BCL2L15: variants seen among roughly 807,000 people sequenced by gnomAD.
The protein encoded by BCL2L15 is BCL2 like 15, also known as bcl-2-like protein 15.
Under a neutral mutation model 18.3 loss-of-function variants are expected in BCL2L15, and 15 were observed. The ratio of observed to expected loss-of-function variants is 0.82; its 90% CI spans 0.55 to 1.26. The LOEUF (loss-of-function observed/expected upper bound fraction) is 1.26, where lower values mean the gene tolerates loss of function less well. BCL2L15 is among the 50% of genes most tolerant of loss of function. The probability of loss-of-function intolerance (pLI) is 0.00; values close to 1 mark genes in which losing one functional copy is unlikely to be tolerated. For missense variants in BCL2L15, 180 were observed against 201.7 expected (o/e 0.89, Z 0.65); for synonymous variants, 58 against 68.5 (o/e 0.85, Z 0.76).
rs1402778194 is a variant in BCL2L15 at position 113,881,029 on chromosome 1, T to G, written c.*94A>C. ...TTCAGTTCTGATAAAATGAAAAAAG[T>G]GCTTTTTTATTTGTTTGTTTGAATT... On this transcript the variant is annotated 3_prime_UTR_variant, in exon 4 of 4. Coordinates refer to ENST00000393316, the MANE Select transcript of BCL2L15 (RefSeq NM_001010922.3). 1.3e-6 allele frequency: 2 copies of G among 1,560,924 alleles called. No homozygotes were observed. The highest frequency in any genetic ancestry group is 1.7e-5 in the Admixed American group (1 of 59,226).
rs1368139470 is a variant in BCL2L15 at position 113,878,514 on chromosome 1, C to T, written c.*2609G>A. ...TCAAATCTCAAGATAATGCAGTATA[C>T]TTGGAACTGTTTTATGAGCAACATA... On this transcript the variant is annotated 3_prime_UTR_variant, in exon 4 of 4. Coordinates refer to ENST00000393316, the MANE Select transcript of BCL2L15 (RefSeq NM_001010922.3). 6.6e-6 allele frequency: 1 copy of T among 152,362 alleles called. No individual in the cohort carries two copies. Among genetic ancestry groups the T allele is most frequent in the Non-Finnish European group, 1.5e-5 (1 of 68,044 alleles). 9.4% of individuals were successfully genotyped at this position (152,362 alleles called of 1,614,324 possible).
At chr1:113,884,220 G>A (rs1666964936) in intron 2 of BCL2L15, among the ~76,000 whole-genome samples, 1 of 152,152 alleles carries the variant, frequency 6.6e-6, no homozygotes, top group African/African-American at 2.4e-5. Context: ...GAAATCTTGT[G>A]CCAATTGATG....
At position 113,881,150 on chromosome 1, in the gene BCL2L15, A is replaced by G. The variant is rs780102474; in HGVS notation, c.475-10T>C. 5.6e-6 allele frequency: 9 copies of G among 1,614,046 alleles called. No homozygotes were observed. The highest frequency in any genetic ancestry group is 1.7e-5 in the Admixed American group (1 of 60,004). ...AGCTCTCCAGATTTTCCTAGGGAAG[A>G]CAGAGAAAATCCTACAGTCAAAGGA... is the stretch of plus-strand genomic sequence containing the variant. On this transcript the variant is annotated splice_polypyrimidine_tract_variant and intron_variant, in intron 3 of 3. Coordinates refer to ENST00000393316, the MANE Select transcript of BCL2L15 (RefSeq NM_001010922.3).
At chr1:113,881,351 C>T (rs986011582) in intron 3 of BCL2L15, 13 of 1,006,580 alleles carry the variant, frequency 1.3e-5, no homozygotes, top group Non-Finnish European at 1.8e-5. Flanking sequence ...GTTACCACTA[C>T]AGCAAAGACT....
At chr1:113,881,335 T>C (rs1340603933) in intron 3 of BCL2L15, 195 bp from the exon 4 acceptor site, 14 of 1,028,116 alleles carry the variant, frequency 1.4e-5, no homozygotes, top group Middle Eastern at 2.5e-4. Flanking sequence ...TAGAATACCT[T>C]ATATAGTTAC....
intron 2 of BCL2L15, among the ~76,000 whole-genome samples, chr1:113,883,915 C>T (rs1415178429): frequency 2.6e-5 from 4 of 152,174 alleles, no homozygotes; most frequent in Non-Finnish European, 5.9e-5. Flanking sequence ...GAGATGCAGT[C>T]TAGAGTGAAA....
intron 2 of BCL2L15, among the ~76,000 whole-genome samples, chr1:113,884,360 A>C (rs1399004301): frequency 6.6e-6 from 1 of 152,252 alleles, no homozygotes. Flanking sequence ...CATAGTCTTC[A>C]AGTGTCAAGG....
intron 1 of BCL2L15, 94 bp downstream of exon 1, chr1:113,887,155 C>T: frequency 7.9e-7 from 1 of 1,272,066 alleles, no homozygotes. Flanking sequence ...ACCTTGGCCT[C>T]CCAAAGTGCT....
Position 113,879,940 on chromosome 1 carries a change from A to T in BCL2L15, c.*1183T>A, listed in dbSNP as rs1294957027. The T allele has an allele frequency of 6.6e-6, 1 of 152,188 alleles. No homozygotes were observed. Among genetic ancestry groups the T allele is most frequent in the East Asian group, 1.9e-4 (1 of 5,200 alleles). The allele number at this position is 152,188 out of a possible 1,614,324, so 9.4% of individuals were successfully genotyped here. ...GATGGCTGTCACACTCTATATGTAC[A>T]TCAGAATCACCTATGGAACTAGTTT... On this transcript the variant is annotated 3_prime_UTR_variant, in exon 4 of 4. Transcript: ENST00000393316.
rs1359336636 is a variant in BCL2L15, at chr1:113,878,010, C to T, written c.*3113G>A. ...ATAAATCATATTTAGGAATCACTCACATTGATGTGAAAGTAAAGCCATTAA... is the reference window on the plus strand; with the variant it reads ...ATAAATCATATTTAGGAATCACTCATATTGATGTGAAAGTAAAGCCATTAA... On this transcript the variant is annotated 3_prime_UTR_variant, in exon 4 of 4. Coordinates refer to ENST00000393316, the MANE Select transcript of BCL2L15 (RefSeq NM_001010922.3). 6.6e-6 allele frequency among the ~76,000 whole-genome samples: 1 copy of T among 152,156 alleles called. No homozygotes were observed. Among genetic ancestry groups the T allele is most frequent in the Non-Finnish European group, 1.5e-5 (1 of 68,030 alleles).
Position 113,879,077 on chromosome 1 carries a change from CT to C in BCL2L15, c.*2045del, listed in dbSNP as rs974877478. 4.5e-4 allele frequency: 68 copies of C among 152,306 alleles called. No individual in the cohort carries two copies. Among genetic ancestry groups the C allele is most frequent in the African/African-American group, 1.5e-3 (61 of 41,552 alleles). 9.4% of individuals were successfully genotyped at this position (152,306 alleles called of 1,614,324 possible). On this transcript the variant is annotated 3_prime_UTR_variant, in exon 4 of 4. Coordinates refer to ENST00000393316, the MANE Select transcript of BCL2L15 (RefSeq NM_001010922.3). ...TGTTGGCCAGGCTGGTCTCAAACTCCTAACCTCAGGTGATCCACCCGCCTTG... is the reference window on the plus strand; with the variant it reads ...TGTTGGCCAGGCTGGTCTCAAACTCCAACCTCAGGTGATCCACCCGCCTTG...
chr1:113,886,314 A>C (rs1282875249), intron 2 of BCL2L15, among the ~76,000 whole-genome samples: 1 of 152,108 alleles, frequency 6.6e-6, no homozygotes, highest in Non-Finnish European at 1.5e-5. Context: ...ATGAAGACCA[A>C]GTAGAGACAA....
In BCL2L15 at chr1:113,880,535, A is replaced by G. The variant is rs996791434; in HGVS notation, c.*588T>C. ...CAGCTACTCAGGAGGCTGAGGCAGG[A>G]GAATGGAGTGAAACCGGGAGGTGGA... On this transcript the variant is annotated 3_prime_UTR_variant, in exon 4 of 4. Transcript: ENST00000393316. 6.6e-6 allele frequency: 1 copy of G among 152,386 alleles called. No homozygotes were observed. The highest frequency in any genetic ancestry group is 1.5e-5 in the Non-Finnish European group (1 of 68,314). The allele number at this position is 152,386 out of a possible 1,614,324, so 9.4% of individuals were successfully genotyped here. A position where few individuals can be genotyped will look rare whatever the true frequency, so the allele number is the denominator to read the frequency against.
rs1666785964 is a variant in BCL2L15, at chr1:113,878,622, C to T, written c.*2501G>A. ...CAAATGCATAGACAGAAGTTTATTT[C>T]ATAAAACAGAATAGCAACAAAGTAA... On this transcript the variant is annotated 3_prime_UTR_variant, in exon 4 of 4. Coordinates refer to ENST00000393316, the MANE Select transcript of BCL2L15 (RefSeq NM_001010922.3). The T allele has an allele frequency of 6.6e-6, 1 of 152,332 alleles. No individual in the cohort carries two copies. Among genetic ancestry groups the T allele is most frequent in the South Asian group, 2.1e-4 (1 of 4,836 alleles). The allele number at this position is 152,332 out of a possible 1,614,324, so 9.4% of individuals were successfully genotyped here. A position where few individuals can be genotyped will look rare whatever the true frequency, so the allele number is the denominator to read the frequency against.
rs1409251998 is a variant in BCL2L15 at position 113,880,919 on chromosome 1, A to G, written c.*204T>C. On this transcript the variant is annotated 3_prime_UTR_variant, in exon 4 of 4. Transcript: ENST00000393316. ...GTGGTTTGCATTAAGTTGACAAAACAAAACAAAACAAAAACCAACTCTGCA... is the reference window on the plus strand; with the variant it reads ...GTGGTTTGCATTAAGTTGACAAAACGAAACAAAACAAAAACCAACTCTGCA... 3 of 610,412 alleles carry G rather than the reference A, an allele frequency of 4.9e-6. No individual in the cohort carries two copies. Among genetic ancestry groups the G allele is most frequent in the East Asian group, 5.5e-5 (2 of 36,172 alleles). The allele number at this position is 610,412 out of a possible 1,614,324, so 37.8% of individuals were successfully genotyped here.
In BCL2L15 at chr1:113,878,088, G is replaced by GC. The variant is rs1666770435; in HGVS notation, c.*3034dup. 1 of 152,302 alleles carries GC rather than the reference G, an allele frequency of 6.6e-6. No homozygotes were observed. Among genetic ancestry groups the GC allele is most frequent in the South Asian group, 2.1e-4 (1 of 4,826 alleles). 9.4% of individuals were successfully genotyped at this position (152,302 alleles called of 1,614,324 possible). On this transcript the variant is annotated 3_prime_UTR_variant, in exon 4 of 4. Transcript: ENST00000393316. ...GTTAATGGAGAGAGAAAAAAGTCAA[G>GC]CTAGAACCTTATGAACTGCATAACA...
At chr1:113,881,509 T>C in intron 3 of BCL2L15, 1 of 1,361,744 alleles carries the variant, frequency 7.3e-7, no homozygotes, top group Non-Finnish European at 9.5e-7. Context: ...TTATAGATGA[T>C]TATGTGTAGG....
rs960992084 is a variant in BCL2L15, at chr1:113,878,481, C to G, written c.*2642G>C. On this transcript the variant is annotated 3_prime_UTR_variant, in exon 4 of 4. Transcript: ENST00000393316. ...TTGCCTAGTATAATCCCCGTGGGCACCATATCTTCAAATCTCAAGATAATG... is the reference window on the plus strand; with the variant it reads ...TTGCCTAGTATAATCCCCGTGGGCAGCATATCTTCAAATCTCAAGATAATG... The G allele has an allele frequency of 6.6e-6, 1 of 152,332 alleles. No homozygotes were observed. 9.4% of individuals were successfully genotyped at this position (152,332 alleles called of 1,614,324 possible).
chr1:113,882,648 TAAAA>T (rs1035760373), intron 2 of BCL2L15, among the ~76,000 whole-genome samples: 1 of 151,018 alleles, frequency 6.6e-6, no homozygotes, highest in Non-Finnish European at 1.5e-5. Flanking sequence ...CCATCTCAAA[TAAAA>T]AAAAGACCGA....
Sources: allele counts gnomAD v4.1 joint callset (sites outside exome capture counted in the v4.1 genomes callset), GRCh38; gene constraint gnomAD v4.1.1; transcripts MANE v1.5; gene names NCBI Gene and HGNC (gene_info 2026-07-23, HGNC 2026-07-21).